The following LIN52 variants were observed in gnomAD, a reference collection of about 807,000 sequenced individuals.
LIN52 encodes the protein lin-52 DREAM MuvB core complex component.
In LIN52, 4 loss-of-function variants were observed where a neutral mutation model predicts 18.5. The ratio of observed to expected loss-of-function variants is 0.22; its 90% CI spans 0.11 to 0.49. LIN52 has a LOEUF of 0.49. Among genes scored for constraint, LIN52 ranks in the 20% least tolerant of loss-of-function variants. The pLI is 0.97. For synonymous variants in LIN52, 34 were observed against 45.5 expected (o/e 0.75, Z 1.02); for missense variants, 102 against 139.5 (o/e 0.73, Z 1.35).
At chr14:74,093,079 G>A (rs1211577513) in intron 2 of LIN52, among the ~76,000 whole-genome samples, 7 of 151,578 alleles carry the variant, frequency 4.6e-5, no homozygotes. Context: ...AGCCTCCCGA[G>A]TAGCTGAGAT....
At chr14:74,197,229 T>C (rs1455499020) in intron 5 of LIN52, among the ~76,000 whole-genome samples, 4 of 152,246 alleles carry the variant, frequency 2.6e-5, no homozygotes, top group Non-Finnish European at 4.4e-5. Flanking sequence ...TTTGGTGTAT[T>C]ATAATTTATC....
intron 5 of LIN52, among the ~76,000 whole-genome samples, chr14:74,130,420 GGCGTGTAC>G (rs1426539363): frequency 6.6e-6 from 1 of 150,668 alleles, no homozygotes; most frequent in Non-Finnish European, 1.5e-5. Flanking sequence ...TAGGATTACA[GGCGTGTAC>G]CACCACTCCT....
chr14:74,185,660 A>G (rs1350847643), intron 5 of LIN52, among the ~76,000 whole-genome samples: 2 of 152,202 alleles, frequency 1.3e-5, no homozygotes, highest in Admixed American at 6.5e-5. Context: ...AATAACTAAC[A>G]TAATTATTTT....
intron 5 of LIN52, among the ~76,000 whole-genome samples, chr14:74,159,291 G>T (rs994378363): frequency 6.6e-6 from 1 of 151,826 alleles, no homozygotes. Context: ...TAGTGTCATT[G>T]GCTTTATTCT....
At chr14:74,144,210 G>A (rs895226863) in intron 5 of LIN52, among the ~76,000 whole-genome samples, 5 of 151,048 alleles carry the variant, frequency 3.3e-5, no homozygotes, top group East Asian at 2.0e-4. Context: ...CTGCAGCTTC[G>A]ACCCTGGGGT....
chr14:74,148,627 T>G (rs17182818), intron 5 of LIN52, among the ~76,000 whole-genome samples: 17,012 of 152,246 alleles, frequency 0.11, 1,249 homozygotes, highest in Admixed American at 0.19. Flanking sequence ...TGCTGTAAGA[T>G]TCCATGTAAA....
intron 5 of LIN52, among the ~76,000 whole-genome samples, chr14:74,194,796 G>A (rs530580561): frequency 1.8e-4 from 27 of 152,250 alleles, no homozygotes; most frequent in African/African-American, 6.0e-4. Context: ...GAATGGAAGC[G>A]GTGTTGCCTT....
intron 5 of LIN52, among the ~76,000 whole-genome samples, chr14:74,168,407 G>T (rs1013888852): frequency 2.0e-5 from 3 of 152,122 alleles, no homozygotes; most frequent in Non-Finnish European, 4.4e-5. Context: ...GGTGGCTCAC[G>T]CCTGTAGTCC....
At chr14:74,190,828 T>C (rs73307122) in intron 5 of LIN52, among the ~76,000 whole-genome samples, 2,449 of 152,290 alleles carry the variant, frequency 0.016, 67 homozygotes, top group African/African-American at 0.056. Context: ...CGGAGAACAA[T>C]CAGTGGACCT....
chr14:74,105,277 C>T (rs1348239092), intron 5 of LIN52, among the ~76,000 whole-genome samples: 1 of 152,052 alleles, frequency 6.6e-6, no homozygotes, highest in Non-Finnish European at 1.5e-5. Flanking sequence ...TCATTTAATT[C>T]GGCCACCTTC....
chr14:74,135,742 CTACTT>C (rs2061093851), intron 5 of LIN52, among the ~76,000 whole-genome samples: 1 of 152,066 alleles, frequency 6.6e-6, no homozygotes. Context: ...AAGGGATAAA[CTACTT>C]TATTTGAGCA....
intron 4 of LIN52, among the ~76,000 whole-genome samples, chr14:74,100,564 C>T (rs1275057064): frequency 1.3e-5 from 2 of 152,178 alleles, no homozygotes; most frequent in Non-Finnish European, 2.9e-5. Context: ...CAACCTTTGC[C>T]TCCTAGGTTC....
At chr14:74,167,113 T>TG (rs1297375692) in intron 5 of LIN52, among the ~76,000 whole-genome samples, 1 of 2,750 alleles carries the variant, frequency 3.6e-4, no homozygotes, top group Non-Finnish European at 1.5e-3. Flanking sequence ...CCTCTGCTGC[T>TG]TTTTTTTTTT....
At chr14:74,115,106 A>C (rs2060956601) in intron 5 of LIN52, among the ~76,000 whole-genome samples, 1 of 152,250 alleles carries the variant, frequency 6.6e-6, no homozygotes. Context: ...CATGTTTTAA[A>C]TAAGCGACAT....
intron 5 of LIN52, among the ~76,000 whole-genome samples, chr14:74,164,148 A>AT (rs1245200570): frequency 6.6e-6 from 1 of 151,154 alleles, no homozygotes; most frequent in Non-Finnish European, 1.5e-5. Context: ...TGCCCGGCTA[A>AT]TTTTTTGTAT....
intron 2 of LIN52, among the ~76,000 whole-genome samples, chr14:74,093,881 C>T (rs1481315480): frequency 1.3e-5 from 2 of 151,846 alleles, no homozygotes; most frequent in African/African-American, 4.8e-5. Context: ...GCAGGAGAAT[C>T]GCTTGAACCC....
At chr14:74,155,100 A>G (rs1190598689) in intron 5 of LIN52, among the ~76,000 whole-genome samples, 2 of 152,212 alleles carry the variant, frequency 1.3e-5, no homozygotes, top group Admixed American at 6.5e-5. Flanking sequence ...TCTGCAGTGT[A>G]TGTCTCTGGC....
intron 5 of LIN52, among the ~76,000 whole-genome samples, chr14:74,177,160 G>T (rs1398566922): frequency 1.3e-5 from 2 of 152,016 alleles, no homozygotes; most frequent in African/African-American, 2.4e-5. Context: ...CACCACACCC[G>T]GCTAATTTTG....
intron 2 of LIN52, among the ~76,000 whole-genome samples, chr14:74,092,728 C>T (rs996469134): frequency 1.3e-5 from 2 of 151,532 alleles, no homozygotes; most frequent in African/African-American, 4.8e-5. Context: ...ACCAGCCTCG[C>T]CAACATGGCG....
Sources: gnomAD v4.1 joint callset for allele counts (sites outside exome capture counted in the v4.1 genomes callset) on GRCh38, gnomAD v4.1.1 for gene constraint, MANE v1.5 for transcripts, NCBI Gene and HGNC (gene_info 2026-07-23, HGNC 2026-07-21) for gene names.